The following RRBP1 variants were observed in gnomAD, a reference collection of about 807,000 sequenced individuals.
The protein encoded by RRBP1 is ribosome binding protein 1, also known as ribosome-binding protein 1.
RRBP1 carries 94 observed loss-of-function variants against 165.2 expected under a neutral mutation model. That is an observed-to-expected ratio of 0.57 (90% CI 0.48 to 0.68). The LOEUF is 0.68. Among genes scored for constraint, RRBP1 ranks in the 30% least tolerant of loss-of-function variants. RRBP1 has a pLI of 0.00. For missense variants in RRBP1, 1,676 were observed against 1,763.0 expected, an observed-to-expected ratio of 0.95 and a Z score of 0.88; for synonymous variants, 680 against 714.5, an observed-to-expected ratio of 0.95 and a Z score of 0.77.
chr20:17,627,534 C>T lies in RRBP1; in HGVS notation c.2898G>A (p.Ala966=), dbSNP rs117700083. 1.5e-4 allele frequency: 244 copies of T among 1,612,376 alleles called. No individual in the cohort carries two copies. In the African/African-American group the frequency reaches 1.8e-3, roughly 12 times the overall value. ...CGTCCTGGGCATCCCGCGCCTGGCC[C>T]GCCTCCAGCAGGGCCTCAATGGAAC... ...RIRSIEALLE[A]GQARDAQDVQ... is the part of the protein sequence containing the mutation. Residue 966 remains alanine (A), a synonymous_variant, in exon 10 of 25, where the codon GCG becomes GCA. Coordinates refer to ENST00000377813, the MANE Select transcript of RRBP1 (RefSeq NM_001365613.2).
chr20:17,628,001 T>C (rs1478162371), intron 9 of RRBP1, among the ~76,000 whole-genome samples: 1 of 152,168 alleles, frequency 6.6e-6, no homozygotes, highest in African/African-American at 2.4e-5. Context: ...TAGAAGACTC[T>C]TTTTCTTACT....
At chr20:17,641,960 G>A (rs2036370839) in intron 4 of RRBP1, 41 bp from the exon 5 acceptor site, 1 of 1,592,536 alleles carries the variant, frequency 6.3e-7, no homozygotes, top group Non-Finnish European at 8.6e-7. Flanking sequence ...GGGACAAATG[G>A]GACTTGGCTC....
intron 20 of RRBP1, among the ~76,000 whole-genome samples, chr20:17,617,112 T>C (rs939133551): frequency 6.6e-6 from 1 of 152,196 alleles, no homozygotes; most frequent in Non-Finnish European, 1.5e-5. Context: ...AGGTGACCCC[T>C]GATGGGCATG....
chr20:17,614,714 C>T, intron 24 of RRBP1, 23 bp downstream of exon 24: 1 of 1,608,934 alleles, frequency 6.2e-7, no homozygotes, highest in South Asian at 1.1e-5. Context: ...TCCTCCCGCC[C>T]TGCTTTGGCG....
chr20:17,649,217 C>T (rs907182628), intron 3 of RRBP1, among the ~76,000 whole-genome samples: 2 of 152,134 alleles, frequency 1.3e-5, no homozygotes, highest in African/African-American at 4.8e-5. Context: ...GAGTTAGGTT[C>T]AAAAGAAAAA....
At chr20:17,637,883 C>T (rs1418678612) in intron 5 of RRBP1, among the ~76,000 whole-genome samples, 1 of 152,200 alleles carries the variant, frequency 6.6e-6, no homozygotes, top group East Asian at 1.9e-4. Context: ...TGACACTGCG[C>T]CCCAGCACTG....
At chr20:17,670,311 G>C (rs891595765) in intron 2 of RRBP1, among the ~76,000 whole-genome samples, 1 of 151,914 alleles carries the variant, frequency 6.6e-6, no homozygotes, top group Non-Finnish European at 1.5e-5. Context: ...TCAGGTATGA[G>C]ATCTGACTGA....
chr20:17,627,184 T>TCC (rs775632667), intron 11 of RRBP1, among the ~76,000 whole-genome samples, 164 bp downstream of exon 11: 3 of 90,242 alleles, frequency 3.3e-5, no homozygotes, highest in Non-Finnish European at 6.4e-5. Context: ...CCCAGGCCTG[T>TCC]CCCGTCCTCT....
chr20:17,634,407 G>A (rs1393404985), intron 7 of RRBP1, among the ~76,000 whole-genome samples: 3 of 151,556 alleles, frequency 2.0e-5, no homozygotes, highest in South Asian at 2.1e-4. Context: ...GGGCTGCCTC[G>A]TCTGTACCGG....
In RRBP1 at chr20:17,616,612, G is replaced by A. The variant is rs1600722613; in HGVS notation, c.3867+120C>T. 6 of 661,758 alleles carry A rather than the reference G, an allele frequency of 9.1e-6. No homozygotes were observed. In the East Asian group the frequency reaches 1.4e-4, roughly 15 times the overall value. The allele number at this position is 661,758 out of a possible 1,614,324, so 41.0% of individuals were successfully genotyped here. ...TGATCCAAATGGGGCAAAGCAGGGTGGGGTGGGGAAGCAGCGGAGGCTGGA... is the reference window on the plus strand; with the variant it reads ...TGATCCAAATGGGGCAAAGCAGGGTAGGGTGGGGAAGCAGCGGAGGCTGGA... On this transcript the variant is annotated intron_variant, in intron 21 of 24. Coordinates refer to ENST00000377813, the MANE Select transcript of RRBP1 (RefSeq NM_001365613.2).
In RRBP1 at chr20:17,636,715, T is replaced by C; in HGVS notation, c.2199A>G (p.Glu733=). 2 of 1,613,056 alleles carry C rather than the reference T, an allele frequency of 1.2e-6. No homozygotes were observed. The highest frequency in any genetic ancestry group is 1.7e-4 in the Middle Eastern group (1 of 6,056). ...LRELNKEMAA[E]KAKAAAGEAK... ...CCTCCCCGGCTGCTGCTTTGGCCTT[T>C]TCTGCTGCCATCTCCTGGGGGGAAA... Residue 733 remains glutamate (E), a synonymous_variant, in exon 6 of 25, where the codon GAA becomes GAG. Coordinates refer to ENST00000377813, the MANE Select transcript of RRBP1 (RefSeq NM_001365613.2).
chr20:17,673,448 G>A (rs761318151), intron 2 of RRBP1, among the ~76,000 whole-genome samples: 3 of 152,018 alleles, frequency 2.0e-5, no homozygotes, highest in East Asian at 1.9e-4. Context: ...TCACTTTGTC[G>A]CCCAGGCTGG....
At chr20:17,644,260 A>G (rs1332902559) in intron 3 of RRBP1, among the ~76,000 whole-genome samples, 1 of 152,156 alleles carries the variant, frequency 6.6e-6, no homozygotes, top group Non-Finnish European at 1.5e-5. Flanking sequence ...CGGGAGTTTA[A>G]AAATAACCAT....
rs1331627178 is a variant in RRBP1 at position 17,643,663 on chromosome 20, C to T, written c.1913-536G>A. 6.6e-6 allele frequency among the ~76,000 whole-genome samples: 1 copy of T among 152,146 alleles called. No individual in the cohort carries two copies. The highest frequency in any genetic ancestry group is 2.4e-5 in the African/African-American group (1 of 41,426). On this transcript the variant is annotated intron_variant, in intron 3 of 24. Coordinates refer to ENST00000377813, the MANE Select transcript of RRBP1 (RefSeq NM_001365613.2). This position sits in a 1 kb window ranked among gnomAD's most constrained non-coding sequence, Gnocchi z 4.3. ...GAGCACAGAAGGCAAGGAGAGGCTG[C>T]TTCCACACATCAGTGCAAACCCTAT...
At chr20:17,619,423 G>A (rs1001518704) in intron 19 of RRBP1, 1 of 467,704 alleles carries the variant, frequency 2.1e-6, no homozygotes, top group Non-Finnish European at 3.8e-6. Flanking sequence ...TGTCCTGGCT[G>A]GGAGGCTGCC....
rs906212949 is a variant in RRBP1 at position 17,660,415 on chromosome 20, G to A, written c.93C>T (p.Phe31=). 2 of 1,614,002 alleles carry A rather than the reference G, an allele frequency of 1.2e-6. No individual in the cohort carries two copies. The highest frequency in any genetic ancestry group is 1.7e-5 in the Admixed American group (1 of 59,998). ...SAIGIFLVST[F]SMKETSYEEA... is the part of the protein sequence containing the mutation. Reference sequence around the variant, plus strand: ...CTTCATATGACGTTTCCTTCATGGAGAAAGTCGACACCAGGAAGATGCCAA... The same window carrying A: ...CTTCATATGACGTTTCCTTCATGGAAAAAGTCGACACCAGGAAGATGCCAA... The change falls in exon 3 of 25, where the codon TTC becomes TTT. Residue 31 remains phenylalanine, a synonymous_variant. Coordinates refer to ENST00000377813, the MANE Select transcript of RRBP1 (RefSeq NM_001365613.2).
chr20:17,645,007 C>T (rs2122377808), intron 3 of RRBP1, among the ~76,000 whole-genome samples: 1 of 152,342 alleles, frequency 6.6e-6, no homozygotes, highest in Middle Eastern at 3.4e-3. Context: ...ACTGGCTGGC[C>T]TATTCCTTTC....
intron 11 of RRBP1, among the ~76,000 whole-genome samples, chr20:17,626,568 G>C (rs3790326): frequency 0.55 from 83,137 of 152,106 alleles, 27,031 homozygotes; most frequent in Middle Eastern, 0.74. Flanking sequence ...TGATGGCCTA[G>C]GACACATCTG....
chr20:17,614,976 C>A (rs1336141598), intron 23 of RRBP1, 96 bp from the exon 24 acceptor site: 3 of 1,391,498 alleles, frequency 2.2e-6, no homozygotes, highest in Non-Finnish European at 3.0e-6. Flanking sequence ...GGCTGGAGCC[C>A]TCTGGGGACA....
Sources: gnomAD v4.1 joint callset for allele counts (sites outside exome capture counted in the v4.1 genomes callset) on GRCh38, gnomAD v4.1.1 for gene constraint, Gnocchi (gnomAD v3.1) non-coding constraint, MANE v1.5 for transcripts, NCBI Gene and HGNC (gene_info 2026-07-23, HGNC 2026-07-21) for gene names.